The following SV2B variants were observed in gnomAD, a reference collection of about 807,000 sequenced individuals.
SV2B encodes the protein solute carrier family 22 member B2.
A neutral mutation model predicts 73.9 loss-of-function variants in SV2B; 41 were observed. The ratio of observed to expected loss-of-function variants is 0.56; its 90% CI spans 0.43 to 0.72. The LOEUF is 0.72. SV2B is among the 30% of genes least tolerant of loss of function. The pLI is 0.00. For missense variants in SV2B, 764 were observed against 857.8 expected (o/e 0.89, Z 1.37); for synonymous variants, 314 against 314.2 (o/e 1.00, Z 0.01).
Position 91,297,895 on chromosome 15 carries a change from G to A in SV2B, c.*5343G>A, listed in dbSNP as rs1941916459. On this transcript the variant is annotated 3_prime_UTR_variant, in exon 13 of 13. Transcript: ENST00000394232. This position sits in a 1 kb window ranked among gnomAD's most constrained non-coding sequence, Gnocchi z 5.1. ...TGAAGTATTTCGGAAGCTCAGCAGA[G>A]GTTGAACCCTTTCCCCTGGGGGTTG... 1 of 152,262 alleles carries A rather than the reference G, an allele frequency of 6.6e-6. No individual in the cohort carries two copies. Among genetic ancestry groups the A allele is most frequent in the African/African-American group, 2.4e-5 (1 of 41,448 alleles). 9.4% of individuals were successfully genotyped at this position (152,262 alleles called of 1,614,324 possible).
chr15:91,119,895 C>T (rs558422920), intron 1 of SV2B, among the ~76,000 whole-genome samples: 55 of 152,300 alleles, frequency 3.6e-4, no homozygotes, highest in Admixed American at 5.2e-4. Context: ...CATTGTTTTT[C>T]CATGCTGTAT....
In SV2B at chr15:91,220,668, G is replaced by A. The variant is rs753555994; in HGVS notation, c.-391-5205G>A. Among the ~76,000 whole-genome samples the A allele has an allele frequency of 3.3e-5, 5 of 152,180 alleles. No homozygotes were observed. Among genetic ancestry groups the A allele is most frequent in the Non-Finnish European group, 7.3e-5 (5 of 68,028 alleles). On this transcript the variant is annotated intron_variant, in intron 1 of 12. Coordinates refer to ENST00000394232, the MANE Select transcript of SV2B (RefSeq NM_001323032.3). This position sits in a 1 kb window ranked among gnomAD's most constrained non-coding sequence, Gnocchi z 4.1. ...AAGGAGGATGCTTAAGAGGTTAGCA[G>A]CATGGGAGGTAGTTGTTTTTAGGAG...
Position 91,280,448 on chromosome 15 carries a change from G to A in SV2B, c.1374-1280G>A, listed in dbSNP as rs956923442. 1.1e-4 allele frequency among the ~76,000 whole-genome samples: 16 copies of A among 152,192 alleles called. No individual in the cohort carries two copies. The highest frequency in any genetic ancestry group is 3.6e-4 in the African/African-American group (15 of 41,440). ...TTCCTCTCTATACTCATAGCACCTAGTACCATGCTCAGTGTTTGCAGAAGA... is the reference window on the plus strand; with the variant it reads ...TTCCTCTCTATACTCATAGCACCTAATACCATGCTCAGTGTTTGCAGAAGA... On this transcript the variant is annotated intron_variant, in intron 9 of 12. Transcript: ENST00000394232. This position sits in a 1 kb window ranked among gnomAD's most constrained non-coding sequence, Gnocchi z 5.8.
At chr15:91,146,556 T>C (rs1344944973) in intron 1 of SV2B, among the ~76,000 whole-genome samples, 1 of 152,254 alleles carries the variant, frequency 6.6e-6, no homozygotes, top group Admixed American at 6.5e-5. Flanking sequence ...TTTAATGATA[T>C]TGATTTTTCC....
At chr15:91,247,483 G>A (rs2047282612) in intron 2 of SV2B, among the ~76,000 whole-genome samples, 1 of 152,180 alleles carries the variant, frequency 6.6e-6, no homozygotes. Flanking sequence ...AGCAAATGCA[G>A]GGAGAAGCTA....
chr15:91,221,693 G>GCGCGCGCGCGCGCACACACA (rs370290337), intron 1 of SV2B, among the ~76,000 whole-genome samples: 42 of 140,156 alleles, frequency 3.0e-4, no homozygotes, highest in African/African-American at 1.1e-3. Flanking sequence ...AAGCATGTGC[G>GCGCGCGCGCGCGCACACACA]CACACACACA....
chr15:91,191,916 T>G (rs1411325800), intron 1 of SV2B, among the ~76,000 whole-genome samples: 1 of 152,210 alleles, frequency 6.6e-6, no homozygotes, highest in Non-Finnish European at 1.5e-5. Context: ...TTCTCTGTCT[T>G]CCTATTTTCC....
At position 91,106,395 on chromosome 15, in the gene SV2B, C is replaced by T. The variant is rs974251527; in HGVS notation, c.-392+6032C>T. 7.9e-5 allele frequency among the ~76,000 whole-genome samples: 12 copies of T among 152,230 alleles called. No homozygotes were observed. Among genetic ancestry groups the T allele is most frequent in the African/African-American group, 2.9e-4 (12 of 41,452 alleles). Reference sequence around the variant, plus strand: ...CTAGTGCCCAGAATATTGTCTGGCACATTGTATATCCTCAATGGATATGTA... The same window carrying T: ...CTAGTGCCCAGAATATTGTCTGGCATATTGTATATCCTCAATGGATATGTA... On this transcript the variant is annotated intron_variant, in intron 1 of 12. Coordinates refer to ENST00000394232, the MANE Select transcript of SV2B (RefSeq NM_001323032.3). This position sits in a 1 kb window ranked among gnomAD's most constrained non-coding sequence, Gnocchi z 4.4.
rs1169983088 is a variant in SV2B, at chr15:91,301,292, G to A, written c.*8740G>A. 6.6e-6 allele frequency: 1 copy of A among 152,188 alleles called. No individual in the cohort carries two copies. Among genetic ancestry groups the A allele is most frequent in the Non-Finnish European group, 1.5e-5 (1 of 68,028 alleles). 9.4% of individuals were successfully genotyped at this position (152,188 alleles called of 1,614,324 possible). ...GAATTATTAAACTGATGCTATAAAT[G>A]TGAACTGACAAAACCCACTTTTGGT... On this transcript the variant is annotated 3_prime_UTR_variant, in exon 13 of 13. Coordinates refer to ENST00000394232, the MANE Select transcript of SV2B (RefSeq NM_001323032.3). The surrounding 1 kb of genome is among the most constrained non-coding windows in gnomAD (Gnocchi z 4.3).
At chr15:91,270,944 CGATGGGAGGACGGTGAGTCCTGTGGAT>C (rs1567418006) in intron 9 of SV2B, among the ~76,000 whole-genome samples, 10 of 86,020 alleles carry the variant, frequency 1.2e-4, no homozygotes, top group African/African-American at 2.8e-4. Context: ...GTCCTGTGGA[CGATGGGAGGACGGTGAGTCCTGTGGAT>C]GATGGGCGGA....
rs1464103392 is a variant in SV2B at position 91,253,051 on chromosome 15, G to A, written c.784+531G>A. ...CTCTTGTTTGGCCGTGACAGTGCAG[G>A]AGCCCTTATAGACAAGGTCATGGTT... On this transcript the variant is annotated intron_variant, in intron 4 of 12. Transcript: ENST00000394232. The surrounding 1 kb of genome is among the most constrained non-coding windows in gnomAD (Gnocchi z 5.0). Among the ~76,000 whole-genome samples, 1 of 152,120 alleles carries A rather than the reference G, an allele frequency of 6.6e-6. No homozygotes were observed. Among genetic ancestry groups the A allele is most frequent in the Non-Finnish European group, 1.5e-5 (1 of 68,024 alleles).
At chr15:91,177,963 C>G (rs1265376053) in intron 1 of SV2B, among the ~76,000 whole-genome samples, 14 of 148,794 alleles carry the variant, frequency 9.4e-5, no homozygotes, top group Admixed American at 9.3e-4. Context: ...GCATCCCTGT[C>G]TTGTGCCAGT....
At chr15:91,171,049 T>C (rs1358250269) in intron 1 of SV2B, among the ~76,000 whole-genome samples, 2 of 152,054 alleles carry the variant, frequency 1.3e-5, no homozygotes, top group Non-Finnish European at 2.9e-5. Flanking sequence ...CTCAGAGAGG[T>C]GAAGTCTTGA....
intron 1 of SV2B, among the ~76,000 whole-genome samples, chr15:91,198,868 C>T (rs1404612798): frequency 6.6e-6 from 1 of 152,230 alleles, no homozygotes. Context: ...ACAACAGCAA[C>T]TCTGGGCTTC....
At chr15:91,260,532 G>T in intron 6 of SV2B, 123 bp downstream of exon 6, 1 of 637,524 alleles carries the variant, frequency 1.6e-6, no homozygotes. Flanking sequence ...CTCTGATATT[G>T]CTGTTACTTT....
rs1471437646 is a variant in SV2B at position 91,301,812 on chromosome 15, C to G, written c.*9260C>G. 6.6e-6 allele frequency among the ~76,000 whole-genome samples: 1 copy of G among 152,216 alleles called. No individual in the cohort carries two copies. The highest frequency in any genetic ancestry group is 1.5e-5 in the Non-Finnish European group (1 of 68,044). ...GTCTGCACATTTGATATCTAAAATA[C>G]TCCAGTGAGCTTTTCCTTGGAGTAC... On this transcript the variant is annotated 3_prime_UTR_variant, in exon 13 of 13. Transcript: ENST00000394232. This position sits in a 1 kb window ranked among gnomAD's most constrained non-coding sequence, Gnocchi z 4.3.
intron 1 of SV2B, among the ~76,000 whole-genome samples, chr15:91,196,196 G>A (rs1395645365): frequency 2.0e-5 from 3 of 152,124 alleles, no homozygotes; most frequent in Non-Finnish European, 4.4e-5. Context: ...ATGTGTTTGC[G>A]GAACATTTAT....
rs747475316 is a variant in SV2B, at chr15:91,223,643, A to G, written c.-391-2230A>G. Among the ~76,000 whole-genome samples, 34 of 152,038 alleles carry G rather than the reference A, an allele frequency of 2.2e-4. No individual in the cohort carries two copies. The highest frequency in any genetic ancestry group is 4.0e-4 in the Non-Finnish European group (27 of 68,000). ...TCCATGTTTTTATAGCGCTCTGCAA[A>G]CTCTCCTGCTGTTTACATGTGACTT... On this transcript the variant is annotated intron_variant, in intron 1 of 12. Transcript: ENST00000394232. The surrounding 1 kb of genome is among the most constrained non-coding windows in gnomAD (Gnocchi z 4.6).
intron 1 of SV2B, among the ~76,000 whole-genome samples, chr15:91,198,707 C>T (rs553733078): frequency 1.3e-5 from 2 of 152,328 alleles, no homozygotes; most frequent in African/African-American, 4.8e-5. Context: ...CTAGACGATA[C>T]GGAGAAAGCA....
Sources: allele counts gnomAD v4.1 joint callset (sites outside exome capture counted in the v4.1 genomes callset), GRCh38; gene constraint gnomAD v4.1.1; non-coding constraint Gnocchi (gnomAD v3.1); transcripts MANE v1.5; gene names NCBI Gene and HGNC (gene_info 2026-07-23, HGNC 2026-07-21).